NUBPL: variants seen among roughly 807,000 people sequenced by gnomAD.
The protein encoded by NUBPL is NUBP iron-sulfur cluster assembly factor, mitochondrial.
NUBPL carries 31 observed loss-of-function variants against 45.7 expected under a neutral mutation model. The observed-to-expected ratio is 0.68, with a 90% CI of 0.51 to 0.92. NUBPL has a LOEUF of 0.92. Among genes scored for constraint, NUBPL ranks in the 40% least tolerant of loss-of-function variants. The pLI, the probability that NUBPL is intolerant of heterozygous loss-of-function variation, is 0.00. For missense variants in NUBPL, 401 were observed against 398.7 expected (o/e 1.01, Z -0.05); for synonymous variants, 144 against 140.9 (o/e 1.02, Z -0.15).
Position 31,666,263 on chromosome 14 carries a change from A to ATATATATATATTTATT in NUBPL, c.383-7092_383-7091insTATATATATATTTATT. 8.1e-3 allele frequency among the ~76,000 whole-genome samples: 902 copies of ATATATATATATTTATT among 111,606 alleles called. 100 individuals are homozygous for ATATATATATATTTATT. Among genetic ancestry groups the ATATATATATATTTATT allele is most frequent in the Non-Finnish European group, 0.012 (651 of 52,842 alleles). 73.2% of individuals were successfully genotyped at this position (111,606 alleles called of 152,430 possible). On this transcript the variant is annotated intron_variant, in intron 4 of 10. Coordinates refer to ENST00000281081, the MANE Select transcript of NUBPL (RefSeq NM_025152.3). Reference sequence around the variant, plus strand: ...TATATATATATATATATATATATATAATTTTATTTTATTTTTTTTGAGACG... The same window carrying ATATATATATATTTATT: ...TATATATATATATATATATATATATATATATATATATTTATTATTTTATTTTATTTTTTTTGAGACG...
At chr14:31,588,671 C>T (rs1023581071) in intron 3 of NUBPL, among the ~76,000 whole-genome samples, 3 of 151,666 alleles carry the variant, frequency 2.0e-5, no homozygotes, top group African/African-American at 4.8e-5. Context: ...AATCCCAGCA[C>T]GTTGGGAGGC....
intron 7 of NUBPL, among the ~76,000 whole-genome samples, chr14:31,791,155 G>C (rs1245581409): frequency 6.6e-6 from 1 of 152,102 alleles, no homozygotes; most frequent in African/African-American, 2.4e-5. Flanking sequence ...ACGTGCACTT[G>C]TGGTCCCAGC....
intron 4 of NUBPL, among the ~76,000 whole-genome samples, chr14:31,627,726 A>G (rs2035242208): frequency 6.7e-6 from 1 of 149,490 alleles, no homozygotes; most frequent in South Asian, 2.1e-4. Context: ...AGATCGTGCC[A>G]CTGCACTCCA....
chr14:31,726,563 T>C (rs985024437), intron 6 of NUBPL, among the ~76,000 whole-genome samples: 3 of 152,198 alleles, frequency 2.0e-5, no homozygotes, highest in African/African-American at 7.2e-5. Flanking sequence ...TGAGATTCAC[T>C]AAAATATAAG....
At chr14:31,630,718 C>T (rs1234117014) in intron 4 of NUBPL, among the ~76,000 whole-genome samples, 1 of 152,060 alleles carries the variant, frequency 6.6e-6, no homozygotes, top group African/African-American at 2.4e-5. Flanking sequence ...GCTAATTTAC[C>T]CCTTTACTAA....
intron 7 of NUBPL, among the ~76,000 whole-genome samples, chr14:31,805,392 C>T (rs769749018): frequency 6.6e-6 from 1 of 152,160 alleles, no homozygotes; most frequent in Non-Finnish European, 1.5e-5. Flanking sequence ...AACTATCATT[C>T]AACCTAGCAG....
chr14:31,675,313 A>G (rs73253245), intron 6 of NUBPL, among the ~76,000 whole-genome samples: 6,873 of 152,176 alleles, frequency 0.045, 389 homozygotes, highest in African/African-American at 0.13. Context: ...AGTCACTTTC[A>G]TGTGTGCATT....
intron 6 of NUBPL, among the ~76,000 whole-genome samples, chr14:31,696,583 G>GAAAAAAA (rs546970253): frequency 2.0e-5 from 3 of 149,288 alleles, no homozygotes; most frequent in Non-Finnish European, 4.5e-5. Flanking sequence ...TCGCCTGAGT[G>GAAAAAAA]AAAAAAAAAC....
intron 3 of NUBPL, among the ~76,000 whole-genome samples, chr14:31,566,062 A>G (rs1358557367): frequency 6.6e-6 from 1 of 152,204 alleles, no homozygotes; most frequent in Non-Finnish European, 1.5e-5. Flanking sequence ...CCTATTTTAT[A>G]GAATACAGGC....
intron 6 of NUBPL, among the ~76,000 whole-genome samples, chr14:31,725,666 A>G (rs1005850143): frequency 6.7e-6 from 1 of 149,702 alleles, no homozygotes; most frequent in Non-Finnish European, 1.5e-5. Context: ...GGGTCATGTC[A>G]CTGCTCAAAA....
chr14:31,730,208 C>A (rs1351380940), intron 6 of NUBPL, among the ~76,000 whole-genome samples: 3 of 152,142 alleles, frequency 2.0e-5, no homozygotes, highest in Non-Finnish European at 4.4e-5. Flanking sequence ...CATATTCTCT[C>A]AAAATCACTT....
intron 7 of NUBPL, among the ~76,000 whole-genome samples, chr14:31,822,310 A>G (rs563589096): frequency 2.0e-5 from 3 of 152,264 alleles, no homozygotes; most frequent in Admixed American, 6.5e-5. Context: ...TTAAATATAT[A>G]TAACTACTAT....
intron 4 of NUBPL, among the ~76,000 whole-genome samples, chr14:31,618,789 G>A (rs1336925610): frequency 6.6e-6 from 1 of 152,032 alleles, no homozygotes; most frequent in Non-Finnish European, 1.5e-5. Context: ...TGTCTATTAG[G>A]TCTGCTTGGT....
chr14:31,666,380 A>T (rs8003033), intron 4 of NUBPL, among the ~76,000 whole-genome samples: 23,801 of 150,966 alleles, frequency 0.16, 5,345 homozygotes, highest in African/African-American at 0.5. Context: ...TTCTTCTGCT[A>T]CAGCCTCCTG....
At chr14:31,650,287 C>CTTTT (rs35127795) in intron 4 of NUBPL, among the ~76,000 whole-genome samples, 13 of 116,598 alleles carry the variant, frequency 1.1e-4, no homozygotes, top group Non-Finnish European at 1.5e-4. Context: ...GGCTTTCTTT[C>CTTTT]TTTTTTTTTT....
chr14:31,661,947 CCTT>C (rs2036279747), intron 4 of NUBPL: 1 of 152,172 alleles, frequency 6.6e-6, no homozygotes, highest in Non-Finnish European at 1.5e-5. Flanking sequence ...AATGCTGCAT[CCTT>C]CTCACTTTAT....
chr14:31,752,742 T>G (rs1272948210), intron 6 of NUBPL, among the ~76,000 whole-genome samples: 2 of 152,246 alleles, frequency 1.3e-5, no homozygotes, highest in Non-Finnish European at 2.9e-5. Flanking sequence ...CCCAGTATCC[T>G]GGTACCAATT....
rs772494869 is a variant in NUBPL, at chr14:31,643,183, A to G, written c.383-30172A>G. 2.6e-5 allele frequency among the ~76,000 whole-genome samples: 4 copies of G among 152,264 alleles called. No individual in the cohort carries two copies. The East Asian group carries it at 7.7e-4, about 29-fold the overall frequency. On this transcript the variant is annotated intron_variant, in intron 4 of 10. Coordinates refer to ENST00000281081, the MANE Select transcript of NUBPL (RefSeq NM_025152.3). Reference sequence around the variant, plus strand: ...CCTCATTGCTCTGGCCAAAACTTCCAGTATTATTGTTGAATACAAGTGGTG... The same window carrying G: ...CCTCATTGCTCTGGCCAAAACTTCCGGTATTATTGTTGAATACAAGTGGTG...
At chr14:31,709,557 C>A (rs1244620288) in intron 6 of NUBPL, among the ~76,000 whole-genome samples, 1 of 54,538 alleles carries the variant, frequency 1.8e-5, no homozygotes, top group Non-Finnish European at 7.9e-5. Context: ...GCTAAAGCTG[C>A]ATTCTTTTCA....
Sources: gnomAD v4.1 joint callset for allele counts (sites outside exome capture counted in the v4.1 genomes callset) on GRCh38, gnomAD v4.1.1 for gene constraint, MANE v1.5 for transcripts, NCBI Gene and HGNC (gene_info 2026-07-23, HGNC 2026-07-21) for gene names.